The following AKAP7 variants were observed in gnomAD, a reference collection of about 807,000 sequenced individuals.
The protein encoded by AKAP7 is A kinase (PRKA) anchor protein 7.
A neutral mutation model predicts 39.5 loss-of-function variants in AKAP7; 39 were observed. The observed-to-expected ratio is 0.99, with a 90% CI of 0.76 to 1.29. The LOEUF (loss-of-function observed/expected upper bound fraction) is 1.29. Ranked by LOEUF, AKAP7 falls within the 50% of genes most tolerant of loss-of-function variation. The pLI, the probability that AKAP7 is intolerant of heterozygous loss-of-function variation, is 0.00. For synonymous variants in AKAP7, 140 were observed against 139.1 expected (o/e 1.01, Z -0.05); for missense variants, 414 against 407.7 (o/e 1.02, Z -0.13).
At chr6:131,248,344 C>A (rs144628187) in intron 7 of AKAP7, among the ~76,000 whole-genome samples, 1 of 152,168 alleles carries the variant, frequency 6.6e-6, no homozygotes, top group Non-Finnish European at 1.5e-5. Flanking sequence ...GGGATTTAAA[C>A]CCATGGTTTC....
chr6:131,270,443 A>T (rs1814174144), intron 7 of AKAP7, among the ~76,000 whole-genome samples: 1 of 152,240 alleles, frequency 6.6e-6, no homozygotes, highest in African/African-American at 2.4e-5. Flanking sequence ...TGGATTTACC[A>T]TAGCTTATTG....
intron 6 of AKAP7, among the ~76,000 whole-genome samples, chr6:131,211,823 C>A (rs997826240): frequency 1.3e-5 from 2 of 148,466 alleles, no homozygotes; most frequent in African/African-American, 2.5e-5. Context: ...CCCTGTAATT[C>A]TATACAGATG....
intron 5 of AKAP7, among the ~76,000 whole-genome samples, chr6:131,197,341 T>C (rs1024772629): frequency 7.2e-5 from 11 of 152,186 alleles, no homozygotes; most frequent in Non-Finnish European, 1.6e-4. Context: ...GAATTGGAAT[T>C]GCTGGCTCAA....
At chr6:131,235,980 A>G (rs1811020041) in intron 7 of AKAP7, among the ~76,000 whole-genome samples, 1 of 152,184 alleles carries the variant, frequency 6.6e-6, no homozygotes, top group Non-Finnish European at 1.5e-5. Context: ...GTCCTTGCCC[A>G]TGCCTATGTC....
intron 7 of AKAP7, among the ~76,000 whole-genome samples, chr6:131,228,043 T>A (rs1052616004): frequency 6.6e-6 from 1 of 152,182 alleles, no homozygotes; most frequent in African/African-American, 2.4e-5. Flanking sequence ...CTTCTCTGAC[T>A]CTGACGTCCT....
intron 7 of AKAP7, among the ~76,000 whole-genome samples, chr6:131,255,331 G>A (rs894644775): frequency 1.3e-5 from 2 of 152,164 alleles, no homozygotes; most frequent in African/African-American, 4.8e-5. Context: ...GAGCTTCAGT[G>A]TCAATCAGCC....
rs755803517 is a variant in AKAP7, at chr6:131,281,666, C to G, written c.987C>G (p.Ser329Arg). 2 of 1,613,124 alleles carry G rather than the reference C, an allele frequency of 1.2e-6. No homozygotes were observed. The highest frequency in any genetic ancestry group is 1.7e-6 in the Non-Finnish European group (2 of 1,179,626). ...ATAAAAACAAGCCGGGGGAGGGGAG[C>G]TCTGTGAAAACCGAAGCAGCTGATC... ...TQNKNKPGEG[S>R]SVKTEAADQN... Residue 329 changes from serine to arginine, a missense_variant, in exon 8 of 8, where the codon AGC (serine) becomes AGG (arginine). By Grantham distance (110) the Ser-to-Arg change is moderately radical (BLOSUM62 -1). Coordinates refer to ENST00000431975, the MANE Select transcript of AKAP7 (RefSeq NM_016377.4). This position sits in a 1 kb window ranked among gnomAD's most constrained non-coding sequence, Gnocchi z 4.0.
intron 7 of AKAP7, among the ~76,000 whole-genome samples, chr6:131,235,547 T>G (rs1810977341): frequency 6.6e-6 from 1 of 152,218 alleles, no homozygotes. Context: ...TGTTCCTATT[T>G]CTCCACATCC....
At chr6:131,223,750 T>A (rs1809910462) in intron 7 of AKAP7, among the ~76,000 whole-genome samples, 1 of 152,148 alleles carries the variant, frequency 6.6e-6, no homozygotes. Context: ...CCTTTCTCAT[T>A]CCTGTTAAAA....
the AKAP7 span, among the ~76,000 whole-genome samples, chr6:131,128,542 C>T: frequency 6.6e-6 from 1 of 152,116 alleles, no homozygotes; most frequent in East Asian, 1.9e-4. Context: ...TAATTTAAGG[C>T]TGGGTGTGGT....
chr6:131,175,263 G>A (rs986865619), intron 5 of AKAP7, among the ~76,000 whole-genome samples: 4 of 152,124 alleles, frequency 2.6e-5, no homozygotes, highest in East Asian at 3.9e-4. Context: ...GGTGGAGGTG[G>A]AAGTGGGGAG....
intron 7 of AKAP7, among the ~76,000 whole-genome samples, chr6:131,226,903 C>T (rs1427392840): frequency 6.6e-6 from 1 of 152,150 alleles, no homozygotes; most frequent in African/African-American, 2.4e-5. Flanking sequence ...TGAACATGTA[C>T]GATGTGCCTA....
intron 5 of AKAP7, among the ~76,000 whole-genome samples, chr6:131,192,149 C>G (rs1806471955): frequency 6.6e-6 from 1 of 152,028 alleles, no homozygotes; most frequent in African/African-American, 2.4e-5. Flanking sequence ...AGATATAACT[C>G]AAGAAATCTT....
chr6:131,184,792 T>G, intron 5 of AKAP7: 1 of 1,430,112 alleles, frequency 7.0e-7, no homozygotes, highest in Non-Finnish European at 9.9e-7. Context: ...CTCGCCCTCC[T>G]CAGCCAAGTG....
intron 2 of AKAP7, among the ~76,000 whole-genome samples, chr6:131,146,260 T>C (rs1801478860): frequency 6.6e-6 from 1 of 152,208 alleles, no homozygotes; most frequent in Non-Finnish European, 1.5e-5. Flanking sequence ...TCACAAACTT[T>C]AAAGCAACAA....
At chr6:131,242,636 G>A (rs375718643) in intron 7 of AKAP7, among the ~76,000 whole-genome samples, 1 of 152,070 alleles carries the variant, frequency 6.6e-6, no homozygotes, top group East Asian at 1.9e-4. Context: ...CCTATTCTGA[G>A]CCCATTTTCT....
chr6:131,180,268 G>A (rs1330611328), intron 5 of AKAP7, among the ~76,000 whole-genome samples: 2 of 152,094 alleles, frequency 1.3e-5, no homozygotes, highest in East Asian at 3.8e-4. Flanking sequence ...CTGTGTTCTT[G>A]GTCTGCTGGA....
At chr6:131,220,935 C>T (rs1222008422) in intron 7 of AKAP7, among the ~76,000 whole-genome samples, 1 of 152,030 alleles carries the variant, frequency 6.6e-6, no homozygotes, top group Non-Finnish European at 1.5e-5. Context: ...GCCATTCATT[C>T]CCCTGTGAAG....
At chr6:131,273,542 AAAT>A (rs1814473571) in intron 7 of AKAP7, among the ~76,000 whole-genome samples, 1 of 152,128 alleles carries the variant, frequency 6.6e-6, no homozygotes, top group Non-Finnish European at 1.5e-5. Context: ...ATCTGCCTTC[AAAT>A]AATATTATGC....
Sources: gnomAD v4.1 joint callset for allele counts (sites outside exome capture counted in the v4.1 genomes callset) on GRCh38, gnomAD v4.1.1 for gene constraint, Gnocchi (gnomAD v3.1) non-coding constraint, MANE v1.5 for transcripts, NCBI Gene and HGNC (gene_info 2026-07-23, HGNC 2026-07-21) for gene names.